Variants in VPS13B observed in about 807,000 individuals in gnomAD.
VPS13B encodes the protein vacuolar protein sorting 13 homolog B.
A neutral mutation model predicts 426.4 loss-of-function variants in VPS13B; 285 were observed. That is an observed-to-expected ratio of 0.67 (90% CI 0.61 to 0.74). The LOEUF is 0.74. VPS13B is among the 30% of genes least tolerant of loss of function. The pLI, the probability that VPS13B is intolerant of heterozygous loss-of-function variation, is 0.00. For synonymous variants in VPS13B, 1,676 were observed against 1,676.4 expected (o/e 1.00, Z 0.01); for missense variants, 4,537 against 4,782.6 (o/e 0.95, Z 1.51).
chr8:99,245,168 GT>G (rs1270467615), intron 17 of VPS13B, among the ~76,000 whole-genome samples: 2 of 152,152 alleles, frequency 1.3e-5, no homozygotes, highest in Non-Finnish European at 2.9e-5. Context: ...TTAAGTTCCA[GT>G]TTGATAATAC....
intron 17 of VPS13B, among the ~76,000 whole-genome samples, chr8:99,247,990 A>G (rs1817312172): frequency 6.6e-6 from 1 of 152,194 alleles, no homozygotes; most frequent in Non-Finnish European, 1.5e-5. Context: ...CCTAAGTGCA[A>G]TGAATATAAA....
intron 3 of VPS13B, among the ~76,000 whole-genome samples, chr8:99,087,183 C>T (rs1425167542): frequency 6.6e-6 from 1 of 152,300 alleles, no homozygotes; most frequent in East Asian, 1.9e-4. Context: ...AGCCTCGCTG[C>T]CCCCTTGCAG....
chr8:99,494,054 A>G (rs1277637285), intron 25 of VPS13B, among the ~76,000 whole-genome samples: 2 of 152,138 alleles, frequency 1.3e-5, no homozygotes, highest in Non-Finnish European at 2.9e-5. Context: ...TAATGAACAT[A>G]TAGATGCTAA....
At chr8:99,020,939 T>C (rs1334153037) in intron 2 of VPS13B, among the ~76,000 whole-genome samples, 2 of 152,248 alleles carry the variant, frequency 1.3e-5, no homozygotes, top group Non-Finnish European at 2.9e-5. Context: ...ATCTGGGTAA[T>C]GATGTAAAGT....
chr8:99,064,666 C>T (rs1032383837), intron 3 of VPS13B, among the ~76,000 whole-genome samples: 1 of 152,132 alleles, frequency 6.6e-6, no homozygotes, highest in Non-Finnish European at 1.5e-5. Context: ...AGAATGGAAC[C>T]AAGTTGGAAA....
intron 22 of VPS13B, among the ~76,000 whole-genome samples, chr8:99,439,350 G>A (rs1468247743): frequency 6.6e-6 from 1 of 152,106 alleles, no homozygotes; most frequent in Admixed American, 6.6e-5. Flanking sequence ...TGAGAATTCT[G>A]TAAGGATATT....
At chr8:99,783,034 G>A (rs997820425) in intron 42 of VPS13B, among the ~76,000 whole-genome samples, 1 of 152,146 alleles carries the variant, frequency 6.6e-6, no homozygotes, top group South Asian at 2.1e-4. Context: ...TTCACCACCT[G>A]CAGCATAGAG....
In VPS13B at chr8:99,766,813, G is replaced by C; in HGVS notation, c.7090G>C (p.Val2364Leu). The C allele has an allele frequency of 6.2e-7, 1 of 1,613,932 alleles. No individual in the cohort carries two copies. The highest frequency in any genetic ancestry group is 1.7e-5 in the Admixed American group (1 of 60,018). The change falls in exon 40 of 62, where the codon GTT becomes CTT. Residue 2364 changes from valine (V) to leucine (L), a missense_variant. Physicochemically the swap from Val to Leu is conservative, Grantham distance 32. Transcript: ENST00000357162. ...SLEYWDELQK[V>L]FVAFREFNLS... ...GGAATACTGGGATGAACTCCAGAAG[G>C]TTTTTGTTGCATTTAGAGAATTTAA...
At chr8:99,712,476 G>A (rs542579884) in intron 36 of VPS13B, among the ~76,000 whole-genome samples, 5 of 152,182 alleles carry the variant, frequency 3.3e-5, no homozygotes, top group East Asian at 3.9e-4. Flanking sequence ...ACTATTTCCC[G>A]GCAAACCAGT....
chr8:99,134,728 G>GT lies in VPS13B; in HGVS notation c.1302+2dup, dbSNP rs766708621. On this transcript the variant is annotated splice_donor_variant, in intron 9 of 61. Transcript: ENST00000357162. LOFTEE classifies it high-confidence loss of function. ...GGAACAAGAAGGAACTACAGTTGAGGTAATCTTTCAATATTGAACCTGTAT... is the reference window on the plus strand; with the variant it reads ...GGAACAAGAAGGAACTACAGTTGAGGTTAATCTTTCAATATTGAACCTGTAT... 9.4e-6 allele frequency: 15 copies of GT among 1,600,694 alleles called. No individual in the cohort carries two copies. The highest frequency in any genetic ancestry group is 1.3e-5 in the Non-Finnish European group (15 of 1,170,040).
At chr8:99,414,606 C>G (rs1165869913) in intron 21 of VPS13B, among the ~76,000 whole-genome samples, 1 of 152,122 alleles carries the variant, frequency 6.6e-6, no homozygotes, top group Non-Finnish European at 1.5e-5. Context: ...TCTTGTAAGT[C>G]AGGCCCAGTG....
chr8:99,855,217 A>G (rs1428695354), intron 56 of VPS13B, among the ~76,000 whole-genome samples: 2 of 152,016 alleles, frequency 1.3e-5, no homozygotes, highest in Non-Finnish European at 2.9e-5. Flanking sequence ...TCTATAAAAA[A>G]TTAAAGTTTA....
At chr8:99,212,883 C>T (rs1203477500) in intron 17 of VPS13B, among the ~76,000 whole-genome samples, 2 of 152,152 alleles carry the variant, frequency 1.3e-5, no homozygotes, top group Non-Finnish European at 2.9e-5. Flanking sequence ...ACCATATCAA[C>T]CCCATAAAGT....
intron 32 of VPS13B, 132 bp from the exon 33 acceptor site, chr8:99,577,358 T>C (rs1353044873): frequency 8.0e-7 from 1 of 1,253,096 alleles, no homozygotes; most frequent in African/African-American, 1.5e-5. Context: ...ATTTTTGCTC[T>C]TCTCCTTAAT....
chr8:99,642,232 C>T lies in VPS13B; in HGVS notation c.5642C>T (p.Ser1881Phe). 6.2e-7 allele frequency: 1 copy of T among 1,614,132 alleles called. No individual in the cohort carries two copies. ...TAEDLLRSSISFPSGKKIGVL... is the reference protein window; with the variant it reads ...TAEDLLRSSIFFPSGKKIGVL... ...GAAGATCTCTTAAGGAGCAGCATTTCTTTTCCTTCAGGGAAAAAAATAGGG... is the reference window on the plus strand; with the variant it reads ...GAAGATCTCTTAAGGAGCAGCATTTTTTTTCCTTCAGGGAAAAAAATAGGG... The change falls in exon 34 of 62, where the codon TCT (serine) becomes TTT (phenylalanine). Residue 1881 changes from serine (S) to phenylalanine (F), a missense_variant. Around this residue, in one of 2 missense-constraint regions of VPS13B, gnomAD observed 4,311 missense variants for 4,474.3 expected, o/e 0.96. Coordinates refer to ENST00000357162, the MANE Select transcript of VPS13B (RefSeq NM_152564.5).
intron 3 of VPS13B, among the ~76,000 whole-genome samples, chr8:99,087,493 A>T (rs1198040898): frequency 1.3e-5 from 2 of 151,820 alleles, no homozygotes; most frequent in African/African-American, 4.8e-5. Flanking sequence ...CTCCCCAGTG[A>T]GATGAACCCG....
chr8:99,398,503 A>G (rs1030978691), intron 21 of VPS13B, among the ~76,000 whole-genome samples: 1 of 152,192 alleles, frequency 6.6e-6, no homozygotes, highest in Non-Finnish European at 1.5e-5. Flanking sequence ...TGTGAATTGA[A>G]GAAGGAGGGA....
At chr8:99,800,846 T>C (rs1588722222) in intron 43 of VPS13B, among the ~76,000 whole-genome samples, 1 of 152,158 alleles carries the variant, frequency 6.6e-6, no homozygotes, top group Admixed American at 6.6e-5. Context: ...ATAAAAAGAT[T>C]CTATGGCTTG....
chr8:99,299,859 G>A (rs775355434), intron 19 of VPS13B, among the ~76,000 whole-genome samples: 19 of 152,112 alleles, frequency 1.2e-4, no homozygotes, highest in South Asian at 2.1e-4. Flanking sequence ...GCAGTGAGCC[G>A]TGATCGTGCC....
Sources: gnomAD v4.1 joint callset for allele counts (sites outside exome capture counted in the v4.1 genomes callset) on GRCh38, gnomAD v4.1.1 for gene constraint, gnomAD v4.1.1 regional missense constraint, MANE v1.5 for transcripts, NCBI Gene and HGNC (gene_info 2026-07-23, HGNC 2026-07-21) for gene names.